FRY: variants seen among roughly 807,000 people sequenced by gnomAD.
FRY encodes the protein protein furry homolog.
A neutral mutation model predicts 348.4 loss-of-function variants in FRY; 128 were observed. The observed-to-expected ratio is 0.37, with a 90% CI of 0.32 to 0.43. The LOEUF (loss-of-function observed/expected upper bound fraction) is 0.43, where lower values mean the gene tolerates loss of function less well. Among genes scored for constraint, FRY ranks in the 20% least tolerant of loss-of-function variants. The pLI, the probability that FRY is intolerant of heterozygous loss-of-function variation, is 1.00. For synonymous variants in FRY, 1,370 were observed against 1,374.7 expected, an observed-to-expected ratio of 1.00 and a Z score of 0.08; for missense variants, 2,736 against 3,695.2, an observed-to-expected ratio of 0.74 and a Z score of 6.73.
chr13:32,247,464 C>T lies in FRY; in HGVS notation c.6970C>T (p.Pro2324Ser), dbSNP rs1476822367. Residue 2324 changes from proline (P) to serine (S), a missense_variant, in exon 48 of 61, where the codon CCT becomes TCT. Physicochemically the swap from Pro to Ser is moderately conservative, Grantham distance 74. Transcript: ENST00000542859. ...GTGGACTAGTGCTTCCAAGGAATTA[C>T]CTGGGAAAACCCTGGACTTCCACTT... Reference protein sequence around the residue: ...RVWTSASKELPGKTLDFHFDI... With the variant: ...RVWTSASKELSGKTLDFHFDI... 6.2e-7 allele frequency: 1 copy of T among 1,613,582 alleles called. No homozygotes were observed. The highest frequency in any genetic ancestry group is 8.5e-7 in the Non-Finnish European group (1 of 1,179,542).
chr13:32,076,273 G>T (rs775119497), intron 1 of FRY, among the ~76,000 whole-genome samples: 1 of 152,174 alleles, frequency 6.6e-6, no homozygotes, highest in Non-Finnish European at 1.5e-5. Context: ...TCTAGAAATG[G>T]ATCAAATCCT....
chr13:32,244,370 G>A (rs1392835907), intron 47 of FRY, among the ~76,000 whole-genome samples, 188 bp downstream of exon 47: 1 of 152,154 alleles, frequency 6.6e-6, no homozygotes, highest in Non-Finnish European at 1.5e-5. Flanking sequence ...GAGAATGAGA[G>A]CACAAGACCC....
In FRY at chr13:32,131,679, G is replaced by C. The variant is rs753435154; in HGVS notation, c.724G>C (p.Ala242Pro). ...IGVLAQAKFPAVKKKFMAELK... is the reference protein window; with the variant it reads ...IGVLAQAKFPPVKKKFMAELK... Reference sequence around the variant, plus strand: ...CTTATGTTATCTTCTTAGATTCCCTGCTGTAAAGAAGAAATTTATGGCGGA... The same window carrying C: ...CTTATGTTATCTTCTTAGATTCCCTCCTGTAAAGAAGAAATTTATGGCGGA... The change falls in exon 8 of 61, where the codon GCT becomes CCT. Residue 242 changes from alanine (A) to proline (P), a missense_variant. Transcript: ENST00000542859. 7.4e-6 allele frequency: 12 copies of C among 1,612,816 alleles called. No individual in the cohort carries two copies. Among genetic ancestry groups the C allele is most frequent in the Non-Finnish European group, 1.0e-5 (12 of 1,179,328 alleles).
In FRY at chr13:32,100,778, C is replaced by T. The variant is rs28648035; in HGVS notation, c.271-1185C>T. Among the ~76,000 whole-genome samples, 375 of 152,260 alleles carry T rather than the reference C, an allele frequency of 2.5e-3. 3 individuals are homozygous for T. Among genetic ancestry groups the T allele is most frequent in the African/African-American group, 8.4e-3 (349 of 41,568 alleles). ...TACCCAGAAGTCCAAGATCAAAGCACGGGGATATTTGGTTGCTGGTGAGTT... is the reference window on the plus strand; with the variant it reads ...TACCCAGAAGTCCAAGATCAAAGCATGGGGATATTTGGTTGCTGGTGAGTT... On this transcript the variant is annotated intron_variant, in intron 2 of 60. Coordinates refer to ENST00000542859, the MANE Select transcript of FRY (RefSeq NM_023037.3).
chr13:32,272,635 G>A (rs947339558), intron 55 of FRY, among the ~76,000 whole-genome samples: 3 of 152,186 alleles, frequency 2.0e-5, no homozygotes, highest in Non-Finnish European at 4.4e-5. Flanking sequence ...TCCAGCCTGA[G>A]TGACAGAGCA....
intron 20 of FRY, among the ~76,000 whole-genome samples, chr13:32,176,844 T>G (rs1566112557): frequency 6.6e-6 from 1 of 152,224 alleles, no homozygotes; most frequent in Non-Finnish European, 1.5e-5. Flanking sequence ...CAGCTGTTAC[T>G]TCATGTAATT....
At chr13:32,224,136 C>A in intron 36 of FRY, 99 bp from the exon 37 acceptor site, 1 of 1,120,276 alleles carries the variant, frequency 8.9e-7, no homozygotes, top group Non-Finnish European at 1.4e-6. Flanking sequence ...GTTATTTTTA[C>A]AAGCATACAT....
At chr13:32,290,830 G>A (rs1166957607) in intron 59 of FRY, among the ~76,000 whole-genome samples, 1 of 151,920 alleles carries the variant, frequency 6.6e-6, no homozygotes, top group Non-Finnish European at 1.5e-5. Context: ...GGGGATGAAG[G>A]AGAAAGAAGA....
chr13:32,220,467 C>T (rs1255979572), intron 36 of FRY, among the ~76,000 whole-genome samples: 3 of 152,324 alleles, frequency 2.0e-5, no homozygotes, highest in Admixed American at 1.3e-4. Flanking sequence ...TGTGTGTCCC[C>T]TCAGGGGATT....
At chr13:32,072,753 A>G (rs1364619492) in intron 1 of FRY, among the ~76,000 whole-genome samples, 1 of 152,210 alleles carries the variant, frequency 6.6e-6, no homozygotes, top group African/African-American at 2.4e-5. Flanking sequence ...GGCATTTGAG[A>G]GGGAAAGTGT....
chr13:32,271,595 G>C (rs975465915), intron 55 of FRY, among the ~76,000 whole-genome samples: 1 of 152,138 alleles, frequency 6.6e-6, no homozygotes, highest in Non-Finnish European at 1.5e-5. Flanking sequence ...ACCTCCACTG[G>C]GGACTCTCTA....
At position 32,194,313 on chromosome 13, in the gene FRY, A is replaced by C. The variant is rs1306058663; in HGVS notation, c.3746+16A>C. On this transcript the variant is annotated intron_variant, in intron 29 of 60. Coordinates refer to ENST00000542859, the MANE Select transcript of FRY (RefSeq NM_023037.3). ...GTGGAAGCAGGTACGAATTTTTATA[A>C]GCAGTGATGAGTGGCAAGTATGTTT... is the stretch of plus-strand genomic sequence containing the variant. 1 of 1,611,850 alleles carries C rather than the reference A, an allele frequency of 6.2e-7. No individual in the cohort carries two copies. Among genetic ancestry groups the C allele is most frequent in the Admixed American group, 1.7e-5 (1 of 60,030 alleles).
chr13:32,225,122 T>C (rs1885514264), intron 38 of FRY, 86 bp downstream of exon 38: 1 of 819,618 alleles, frequency 1.2e-6, no homozygotes, highest in Non-Finnish European at 2.2e-6. Flanking sequence ...CACATTGACA[T>C]CCTGTTTGAC....
chr13:32,238,014 C>T, intron 44 of FRY, 28 bp downstream of exon 44: 1 of 1,609,892 alleles, frequency 6.2e-7, no homozygotes, highest in Non-Finnish European at 8.5e-7. Context: ...CACCCTGTCT[C>T]AATTCTGATG....
intron 35 of FRY, among the ~76,000 whole-genome samples, chr13:32,218,025 A>T (rs961511708): frequency 2.0e-5 from 3 of 152,202 alleles, no homozygotes; most frequent in Admixed American, 6.5e-5. Context: ...AAGATTTATT[A>T]TAAAGCTATT....
intron 2 of FRY, among the ~76,000 whole-genome samples, chr13:32,090,048 G>T (rs1876162386): frequency 6.6e-6 from 1 of 151,898 alleles, no homozygotes; most frequent in South Asian, 2.1e-4. Flanking sequence ...TATGAGAAGA[G>T]GGTTAGAAAG....
intron 30 of FRY, 121 bp from the exon 31 acceptor site, chr13:32,202,235 T>C (rs1270067928): frequency 1.1e-6 from 1 of 883,834 alleles, no homozygotes; most frequent in African/African-American, 1.7e-5. Flanking sequence ...TACCTTTAAT[T>C]CTATTTTTAA....
chr13:32,064,483 A>G (rs1874125007), intron 1 of FRY, among the ~76,000 whole-genome samples: 1 of 151,196 alleles, frequency 6.6e-6, no homozygotes, highest in African/African-American at 2.4e-5. Context: ...TTTTTATTCT[A>G]TCATGCCTCT....
intron 14 of FRY, among the ~76,000 whole-genome samples, chr13:32,151,718 G>T (rs1566099367): frequency 6.6e-6 from 1 of 152,194 alleles, no homozygotes; most frequent in Non-Finnish European, 1.5e-5. Flanking sequence ...AGACTTGCTG[G>T]TCTGTGAGAA....
Sources: gnomAD v4.1 joint callset for allele counts (sites outside exome capture counted in the v4.1 genomes callset) on GRCh38, gnomAD v4.1.1 for gene constraint, MANE v1.5 for transcripts, NCBI Gene and HGNC (gene_info 2026-07-23, HGNC 2026-07-21) for gene names.